ATXN1: variants seen among roughly 807,000 people sequenced by gnomAD.
ATXN1 encodes the protein ataxin-1.
ATXN1 carries 8 observed loss-of-function variants against 56.4 expected under a neutral mutation model. The ratio of observed to expected loss-of-function variants is 0.14; its 90% CI spans 0.08 to 0.26. The LOEUF is 0.26. Among genes scored for constraint, ATXN1 ranks in the 10% least tolerant of loss-of-function variants. The pLI, the probability that ATXN1 is intolerant of heterozygous loss-of-function variation, is 1.00. For missense variants in ATXN1, 987 were observed against 1,106.5 expected (o/e 0.89, Z 1.53); for synonymous variants, 514 against 494.6 (o/e 1.04, Z -0.52).
chr6:16,509,955 C>T (rs116422597), intron 5 of ATXN1, among the ~76,000 whole-genome samples: 211 of 152,292 alleles, frequency 1.4e-3, no homozygotes, highest in African/African-American at 4.8e-3. Flanking sequence ...GGCCCTCGCA[C>T]GCCTCCCCGC....
chr6:16,486,421 G>A (rs1760545694), intron 5 of ATXN1, among the ~76,000 whole-genome samples: 1 of 152,146 alleles, frequency 6.6e-6, no homozygotes, highest in Non-Finnish European at 1.5e-5. Flanking sequence ...AGGAGGCAAG[G>A]ACTAGCACCT....
chr6:16,577,179 T>C (rs1762438615), intron 4 of ATXN1, among the ~76,000 whole-genome samples: 1 of 152,202 alleles, frequency 6.6e-6, no homozygotes, highest in African/African-American at 2.4e-5. Context: ...AGCAGTCTTC[T>C]GCTTTAATGT....
chr6:16,315,720 T>C (rs1420770283), intron 7 of ATXN1, among the ~76,000 whole-genome samples: 1 of 152,142 alleles, frequency 6.6e-6, no homozygotes, highest in Non-Finnish European at 1.5e-5. Context: ...TGGAGTACAG[T>C]AGCATGATCA....
At chr6:16,546,019 A>G (rs985782858) in intron 4 of ATXN1, among the ~76,000 whole-genome samples, 3 of 152,204 alleles carry the variant, frequency 2.0e-5, no homozygotes, top group African/African-American at 7.2e-5. Context: ...TTAGGAACAG[A>G]CCAAAGCAAA....
chr6:16,417,684 T>A (rs1025590912), intron 6 of ATXN1, among the ~76,000 whole-genome samples: 1 of 152,110 alleles, frequency 6.6e-6, no homozygotes, highest in Admixed American at 6.5e-5. Flanking sequence ...GTGATCCCCC[T>A]GCCTCGGCCT....
intron 6 of ATXN1, among the ~76,000 whole-genome samples, chr6:16,412,291 C>A (rs1758815426): frequency 6.6e-6 from 1 of 152,184 alleles, no homozygotes; most frequent in Non-Finnish European, 1.5e-5. Flanking sequence ...CAGGTCTTAA[C>A]AAGTGAGAGA....
chr6:16,460,189 T>C (rs1055699811), intron 6 of ATXN1, among the ~76,000 whole-genome samples: 6 of 152,108 alleles, frequency 3.9e-5, no homozygotes, highest in Admixed American at 6.6e-5. Flanking sequence ...GAAACAGCCT[T>C]CAAAACCTTA....
chr6:16,477,073 G>C (rs1760340701), intron 6 of ATXN1, among the ~76,000 whole-genome samples: 1 of 151,740 alleles, frequency 6.6e-6, no homozygotes, highest in African/African-American at 2.4e-5. Context: ...GGTCTTCAAT[G>C]CTCTGGGGAC....
At chr6:16,564,666 T>C (rs1313600435) in intron 4 of ATXN1, among the ~76,000 whole-genome samples, 1 of 152,132 alleles carries the variant, frequency 6.6e-6, no homozygotes, top group African/African-American at 2.4e-5. Flanking sequence ...CAAATCTATA[T>C]ATAGAGAAAC....
chr6:16,411,060 G>A (rs567279774), intron 6 of ATXN1, among the ~76,000 whole-genome samples: 22 of 148,090 alleles, frequency 1.5e-4, no homozygotes, highest in Middle Eastern at 7.0e-3. Context: ...GGGAGGCGGA[G>A]GTTGCAGTGA....
chr6:16,538,284 T>C (rs1391832111), intron 4 of ATXN1, among the ~76,000 whole-genome samples: 3 of 152,142 alleles, frequency 2.0e-5, no homozygotes, highest in Admixed American at 2.0e-4. Context: ...AAAATTTACA[T>C]AACAAAAGTT....
At chr6:16,751,454 T>C (rs1414864581) in intron 2 of ATXN1, among the ~76,000 whole-genome samples, 1 of 152,178 alleles carries the variant, frequency 6.6e-6, no homozygotes, top group African/African-American at 2.4e-5. Context: ...CTCCACCTTG[T>C]CCCCCACTGG....
At position 16,370,005 on chromosome 6, in the gene ATXN1, C is replaced by T. The variant is rs1342941914; in HGVS notation, c.-160-41535G>A. 2.0e-5 allele frequency among the ~76,000 whole-genome samples: 3 copies of T among 152,202 alleles called. No individual in the cohort carries two copies. The East Asian group carries it at 5.8e-4, about 29-fold the overall frequency. On this transcript the variant is annotated intron_variant, in intron 6 of 7. Transcript: ENST00000436367. ...AACATAAAGAGAACATCTGCATCTT[C>T]CCTCCTCTACCATTTTTGAAATGGA... is the stretch of plus-strand genomic sequence containing the variant.
chr6:16,715,658 G>A (rs1759623056), intron 2 of ATXN1, among the ~76,000 whole-genome samples: 1 of 152,208 alleles, frequency 6.6e-6, no homozygotes, highest in African/African-American at 2.4e-5. Context: ...TGATTCTGAT[G>A]ACCAAATCTA....
At chr6:16,617,837 T>TGATGTCTCC (rs1763247291) in intron 3 of ATXN1, among the ~76,000 whole-genome samples, 1 of 151,070 alleles carries the variant, frequency 6.6e-6, no homozygotes, top group African/African-American at 2.4e-5. Flanking sequence ...TTAATAAAGA[T>TGATGTCTCC]GATGTCTCCT....
At chr6:16,373,157 C>T (rs939982280) in intron 6 of ATXN1, among the ~76,000 whole-genome samples, 5 of 152,098 alleles carry the variant, frequency 3.3e-5, no homozygotes, top group Non-Finnish European at 5.9e-5. Context: ...AACATGTCTG[C>T]CTGAGACTCA....
intron 2 of ATXN1, among the ~76,000 whole-genome samples, chr6:16,678,642 A>G (rs1351940102): frequency 6.6e-6 from 1 of 152,334 alleles, no homozygotes; most frequent in African/African-American, 2.4e-5. Flanking sequence ...CATACTAATA[A>G]TTTTCTGATT....
rs1433805902 is a variant in ATXN1 at position 16,551,391 on chromosome 6, A to C, written c.-360-28703T>G. 5.4e-5 allele frequency among the ~76,000 whole-genome samples: 8 copies of C among 148,530 alleles called. No homozygotes were observed. The East Asian group carries it at 1.4e-3, about 26-fold the overall frequency. ...TGAATTCATGAAAGAAAGATTCCAG[A>C]AGGAAGTGGAATCTGAGCTAATGCT... On this transcript the variant is annotated intron_variant, in intron 4 of 7. Transcript: ENST00000436367.
intron 2 of ATXN1, among the ~76,000 whole-genome samples, chr6:16,662,225 A>AT: frequency 6.6e-6 from 1 of 152,268 alleles, no homozygotes; most frequent in South Asian, 2.1e-4. Flanking sequence ...TTTAAGAACC[A>AT]TTTTTCCTAC....
Sources: gnomAD v4.1 joint callset for allele counts (sites outside exome capture counted in the v4.1 genomes callset) on GRCh38, gnomAD v4.1.1 for gene constraint, MANE v1.5 for transcripts, NCBI Gene and HGNC (gene_info 2026-07-23, HGNC 2026-07-21) for gene names.